The following RAB37 variants were observed in gnomAD, a reference collection of about 807,000 sequenced individuals.
RAB37 encodes ras-related protein Rab-37.
RAB37 carries 29 observed loss-of-function variants against 33.1 expected under a neutral mutation model. The observed-to-expected ratio is 0.88, with a 90% CI of 0.65 to 1.20. RAB37 has a LOEUF of 1.20. Ranked by LOEUF, RAB37 falls within the 50% of genes most tolerant of loss-of-function variation. RAB37 has a pLI of 0.00. For missense variants in RAB37, 299 were observed against 301.1 expected (o/e 0.99, Z 0.05); for synonymous variants, 128 against 119.5 (o/e 1.07, Z -0.47).
In RAB37 at chr17:74,742,978, C is replaced by T. The variant is rs1196329056; in HGVS notation, c.247-151C>T. The T allele has an allele frequency of 1.4e-6, 1 of 691,560 alleles. No homozygotes were observed. The highest frequency in any genetic ancestry group is 2.5e-6 in the Non-Finnish European group (1 of 395,802). 42.8% of individuals were successfully genotyped at this position (691,560 alleles called of 1,614,324 possible). A position where few individuals can be genotyped will look rare whatever the true frequency, so the allele number is the denominator to read the frequency against. On this transcript the variant is annotated intron_variant, in intron 3 of 8. Transcript: ENST00000392613. This position sits in a 1 kb window ranked among gnomAD's most constrained non-coding sequence, Gnocchi z 4.0. ...AATCAGTAACTGCTACTGTCCAGGTCATTGGATGCTCAGGGGCTCATGAGA... is the reference window on the plus strand; with the variant it reads ...AATCAGTAACTGCTACTGTCCAGGTTATTGGATGCTCAGGGGCTCATGAGA...
intron 1 of RAB37, chr17:74,695,628 C>T (rs2032374108): frequency 6.4e-7 from 1 of 1,554,218 alleles, no homozygotes; most frequent in South Asian, 1.2e-5. Flanking sequence ...TCCTCTATGC[C>T]CACATGAGCA....
At chr17:74,714,574 C>T (rs2034136706) in intron 1 of RAB37, among the ~76,000 whole-genome samples, 1 of 152,132 alleles carries the variant, frequency 6.6e-6, no homozygotes, top group African/African-American at 2.4e-5. Flanking sequence ...CCCAGGGATA[C>T]CTACATCTGG....
At chr17:74,703,237 G>T in intron 1 of RAB37, 1 of 995,708 alleles carries the variant, frequency 1.0e-6, no homozygotes, top group South Asian at 1.5e-5. Flanking sequence ...CCTGGGCGGG[G>T]GTCTGGACTG....
chr17:74,693,297 G>T (rs1196281806), intron 1 of RAB37, among the ~76,000 whole-genome samples: 2 of 152,264 alleles, frequency 1.3e-5, no homozygotes, highest in South Asian at 2.1e-4. Flanking sequence ...CAGAAGAAAA[G>T]CTGGTGTGCA....
intron 1 of RAB37, among the ~76,000 whole-genome samples, chr17:74,689,466 A>C (rs1332252779): frequency 6.6e-6 from 1 of 152,116 alleles, no homozygotes; most frequent in Non-Finnish European, 1.5e-5. Flanking sequence ...AAAAGAAAGA[A>C]AGAAAAGAAA....
intron 2 of RAB37, among the ~76,000 whole-genome samples, chr17:74,731,573 T>C (rs1226732864): frequency 1.3e-5 from 2 of 152,198 alleles, no homozygotes; most frequent in Non-Finnish European, 2.9e-5. Context: ...CTGATGGGGT[T>C]ATGGCACACT....
At chr17:74,704,654 C>T in intron 1 of RAB37, 1 of 1,614,224 alleles carries the variant, frequency 6.2e-7, no homozygotes, top group Non-Finnish European at 8.5e-7. Flanking sequence ...CTCTGACCCA[C>T]TGGTTTTAAC....
chr17:74,706,012 A>G (rs1039033327), intron 1 of RAB37, among the ~76,000 whole-genome samples: 2 of 152,196 alleles, frequency 1.3e-5, no homozygotes, highest in African/African-American at 4.8e-5. Flanking sequence ...CAAATACCGC[A>G]TGTTCTCACT....
intron 1 of RAB37, among the ~76,000 whole-genome samples, chr17:74,719,746 G>A (rs1268320669): frequency 1.3e-5 from 2 of 151,994 alleles, no homozygotes; most frequent in Non-Finnish European, 2.9e-5. Flanking sequence ...GAACTCCTGG[G>A]CTCAAGTGAT....
chr17:74,690,140 A>G (rs1306648545), intron 1 of RAB37, among the ~76,000 whole-genome samples: 1 of 152,002 alleles, frequency 6.6e-6, no homozygotes, highest in Admixed American at 6.6e-5. Context: ...TGGTGGAGAT[A>G]TCCTTTTTGT....
intron 1 of RAB37, among the ~76,000 whole-genome samples, chr17:74,686,096 TA>T (rs1196103117): frequency 1.3e-5 from 2 of 152,232 alleles, no homozygotes; most frequent in East Asian, 3.9e-4. Context: ...TATCTTGTTA[TA>T]TTTTTTTTTT....
chr17:74,677,793 C>T (rs1302730812), intron 1 of RAB37, among the ~76,000 whole-genome samples: 1 of 152,134 alleles, frequency 6.6e-6, no homozygotes, highest in East Asian at 1.9e-4. Flanking sequence ...TTAGGATAAC[C>T]TCAGCAGGAA....
intron 1 of RAB37, among the ~76,000 whole-genome samples, chr17:74,701,308 T>C (rs1455050534): frequency 1.3e-5 from 2 of 152,234 alleles, no homozygotes; most frequent in Non-Finnish European, 2.9e-5. Context: ...TTTTGATTAT[T>C]TGGTCCATTC....
chr17:74,695,387 C>A, intron 1 of RAB37: 1 of 1,053,902 alleles, frequency 9.5e-7, no homozygotes, highest in Non-Finnish European at 1.4e-6. Flanking sequence ...CAGCTTCCCC[C>A]TTCACTCTGC....
intron 1 of RAB37, among the ~76,000 whole-genome samples, chr17:74,684,614 C>A (rs2032017787): frequency 6.6e-6 from 1 of 151,786 alleles, no homozygotes. Context: ...ATGACGAAAC[C>A]CTGTCTCTAC....
chr17:74,726,722 A>AT (rs2034311868), intron 1 of RAB37, among the ~76,000 whole-genome samples: 1 of 152,250 alleles, frequency 6.6e-6, no homozygotes, highest in South Asian at 2.1e-4. Flanking sequence ...AGACGCTGAT[A>AT]TGCATTCCCT....
Position 74,745,730 on chromosome 17 carries a change from C to A in RAB37, c.*319C>A, listed in dbSNP as rs1210179678. On this transcript the variant is annotated 3_prime_UTR_variant, in exon 9 of 9. Transcript: ENST00000392613. This position sits in a 1 kb window ranked among gnomAD's most constrained non-coding sequence, Gnocchi z 4.5. ...TTCTAGGACTTGGGGGGCCGGCCCT[C>A]CCTCCTAAGCATAACAAAGGTGGTG... The A allele has an allele frequency of 3.2e-5, 9 of 281,322 alleles. No individual in the cohort carries two copies. Among genetic ancestry groups the A allele is most frequent in the Non-Finnish European group, 4.7e-5 (7 of 147,560 alleles). The allele number at this position is 281,322 out of a possible 1,614,324, so 17.4% of individuals were successfully genotyped here.
At chr17:74,725,135 A>C (rs763204885) in intron 1 of RAB37, among the ~76,000 whole-genome samples, 2 of 152,214 alleles carry the variant, frequency 1.3e-5, no homozygotes, top group Non-Finnish European at 2.9e-5. Context: ...AGCATGTAGG[A>C]TTCTCAGAAG....
upstream of RAB37, chr17:74,736,929 T>A (rs1053644933): frequency 2.0e-6 from 3 of 1,505,376 alleles, no homozygotes; most frequent in Admixed American, 6.5e-5. Context: ...CTACGGGAAC[T>A]CTTCCGCAGC....
Sources: gnomAD v4.1 joint callset for allele counts (sites outside exome capture counted in the v4.1 genomes callset) on GRCh38, gnomAD v4.1.1 for gene constraint, Gnocchi (gnomAD v3.1) non-coding constraint, MANE v1.5 for transcripts, NCBI Gene and HGNC (gene_info 2026-07-23, HGNC 2026-07-21) for gene names.